Variants in PCDHGA4 observed in about 807,000 individuals in gnomAD.
PCDHGA4 encodes protocadherin gamma subfamily A, 4.
Under a neutral mutation model 54.6 loss-of-function variants are expected in PCDHGA4, and 38 were observed. The observed-to-expected ratio is 0.70, with a 90% CI of 0.54 to 0.91. The LOEUF (loss-of-function observed/expected upper bound fraction) is 0.91. Among genes scored for constraint, PCDHGA4 ranks in the 40% least tolerant of loss-of-function variants. The pLI, the probability that PCDHGA4 is intolerant of heterozygous loss-of-function variation, is 0.00. For missense variants in PCDHGA4, 1,298 were observed against 1,220.9 expected, an observed-to-expected ratio of 1.06 and a Z score of -0.94; for synonymous variants, 511 against 512.9, an observed-to-expected ratio of 1.00 and a Z score of 0.05.
Position 141,408,446 on chromosome 5 carries a change from G to A in PCDHGA4, c.2514+50825G>A, listed in dbSNP as rs371079756. 1.7e-5 allele frequency: 28 copies of A among 1,613,946 alleles called. No individual in the cohort carries two copies. Among genetic ancestry groups the A allele is most frequent in the Non-Finnish European group, 1.1e-5 (13 of 1,179,916 alleles). On this transcript the variant is annotated intron_variant, in intron 1 of 3. Transcript: ENST00000571252. ...GCACTTCAGCGTAGACGCGGAGAGC[G>A]GGGACTTACTTGTGAAGAACCGAAT...
chr5:141,389,990 C>CTCA (rs1156236363), intron 1 of PCDHGA4: 4 of 1,614,044 alleles, frequency 2.5e-6, no homozygotes, highest in Non-Finnish European at 2.5e-6. Flanking sequence ...TGCTCTTCCT[C>CTCA]GTGGCCATGA....
chr5:141,479,109 A>G (rs925202951), intron 1 of PCDHGA4, among the ~76,000 whole-genome samples: 4 of 152,234 alleles, frequency 2.6e-5, no homozygotes, highest in Admixed American at 2.6e-4. Context: ...TATTTCAAGC[A>G]TTCTACTGGA....
intron 1 of PCDHGA4, chr5:141,414,666 A>G (rs1243321329): frequency 6.2e-7 from 1 of 1,614,002 alleles, no homozygotes; most frequent in Admixed American, 1.7e-5. Context: ...CCCTGGCTGA[A>G]GACACCATCC....
intron 1 of PCDHGA4, chr5:141,371,361 GAT>G: frequency 3.1e-6 from 5 of 1,613,976 alleles, no homozygotes; most frequent in Non-Finnish European, 4.2e-6. Flanking sequence ...GGAAGCAAAG[GAT>G]GGTGGACATC....
intron 2 of PCDHGA4, among the ~76,000 whole-genome samples, chr5:141,503,365 G>A (rs2099819492): frequency 6.6e-6 from 1 of 152,020 alleles, no homozygotes; most frequent in East Asian, 1.9e-4. Flanking sequence ...GGGAAGCGGA[G>A]GCAGGTGGAT....
chr5:141,374,666 G>T (rs1770705641), intron 1 of PCDHGA4: 3 of 1,611,404 alleles, frequency 1.9e-6, no homozygotes, highest in Non-Finnish European at 2.5e-6. Flanking sequence ...CCCGGAGCTG[G>T]TGCTGGAGGG....
chr5:141,497,110 C>T (rs964183820), intron 2 of PCDHGA4, among the ~76,000 whole-genome samples: 2 of 151,738 alleles, frequency 1.3e-5, no homozygotes, highest in African/African-American at 2.4e-5. Context: ...TGCTTGAACC[C>T]GGAAGGCAGA....
At position 141,383,491 on chromosome 5, in the gene PCDHGA4, C is replaced by T. The variant is rs116533786; in HGVS notation, c.2514+25870C>T. The T allele has an allele frequency of 1.9e-6, 3 of 1,613,000 alleles. No individual in the cohort carries two copies. The highest frequency in any genetic ancestry group is 2.5e-6 in the Non-Finnish European group (3 of 1,179,496). On this transcript the variant is annotated intron_variant, in intron 1 of 3. Coordinates refer to ENST00000571252, the MANE Select transcript of PCDHGA4 (RefSeq NM_018917.4). Reference sequence around the variant, plus strand: ...TAAGTACCCGGAACTGGTGCTGGAGCGGGTGCTGGACCGGGAGGAAGAGCG... The same window carrying T: ...TAAGTACCCGGAACTGGTGCTGGAGTGGGTGCTGGACCGGGAGGAAGAGCG...
At position 141,485,413 on chromosome 5, in the gene PCDHGA4, C is replaced by T; in HGVS notation, c.2515-9394C>T. ...AAAGACACTTCCGTGTGGATTTGGA[C>T]AGCGGAGCCCTGCTCATCAAGAACC... On this transcript the variant is annotated intron_variant, in intron 1 of 3. Transcript: ENST00000571252. The surrounding 1 kb of genome is among the most constrained non-coding windows in gnomAD (Gnocchi z 5.7). The T allele has an allele frequency of 6.2e-7, 1 of 1,614,158 alleles. No individual in the cohort carries two copies. The highest frequency in any genetic ancestry group is 8.5e-7 in the Non-Finnish European group (1 of 1,180,030).
At position 141,424,135 on chromosome 5, in the gene PCDHGA4, G is replaced by A. The variant is rs572224199; in HGVS notation, c.2514+66514G>A. 1.1e-4 allele frequency: 47 copies of A among 431,606 alleles called. No individual in the cohort carries two copies. The South Asian group carries it at 4.6e-3, about 43-fold the overall frequency. The allele number at this position is 431,606 out of a possible 1,614,324, so 26.7% of individuals were successfully genotyped here. On this transcript the variant is annotated intron_variant, in intron 1 of 3. Coordinates refer to ENST00000571252, the MANE Select transcript of PCDHGA4 (RefSeq NM_018917.4). The stretch of plus-strand genomic sequence containing the variant: ...AAATTTTGATCCTGTTGATTTAATA[G>A]CATGCTCCCTCTAGCTCTCCTTCTC...
At chr5:141,376,105 C>T in intron 1 of PCDHGA4, 4 of 1,613,734 alleles carry the variant, frequency 2.5e-6, no homozygotes, top group Non-Finnish European at 2.5e-6. Flanking sequence ...TCCTGGCCGA[C>T]CTGGGCAGCC....
intron 1 of PCDHGA4, chr5:141,371,611 C>T (rs561217101): frequency 6.2e-7 from 1 of 1,613,878 alleles, no homozygotes. Flanking sequence ...AGGTTGGTGA[C>T]AGATGGAGCC....
At chr5:141,374,701 C>T (rs781441820) in intron 1 of PCDHGA4, 2 of 1,608,962 alleles carry the variant, frequency 1.2e-6, no homozygotes, top group East Asian at 2.2e-5. Context: ...AAGGAGAAGC[C>T]GTTTACCGCC....
intron 1 of PCDHGA4, among the ~76,000 whole-genome samples, chr5:141,455,570 A>T (rs181469693): frequency 2.6e-5 from 4 of 152,222 alleles, no homozygotes; most frequent in Non-Finnish European, 5.9e-5. Context: ...TGGCCCTCCC[A>T]CCCCAGCCTT....
Position 141,415,089 on chromosome 5 carries a change from C to T in PCDHGA4, c.2514+57468C>T, listed in dbSNP as rs1159857230. 1.9e-6 allele frequency: 3 copies of T among 1,613,556 alleles called. No individual in the cohort carries two copies. In the South Asian group the frequency reaches 3.3e-5, roughly 18 times the overall value. The stretch of plus-strand genomic sequence containing the variant: ...TGCGCACGGCGCGAGCCCTGCTGGA[C>T]AGAGACGCGCTCAAGCAAAGCCTCG... On this transcript the variant is annotated intron_variant, in intron 1 of 3. Coordinates refer to ENST00000571252, the MANE Select transcript of PCDHGA4 (RefSeq NM_018917.4).
At position 141,485,100 on chromosome 5, in the gene PCDHGA4, C is replaced by G. The variant is rs900224386; in HGVS notation, c.2515-9707C>G. 1.0e-5 allele frequency: 12 copies of G among 1,148,882 alleles called. No homozygotes were observed. Among genetic ancestry groups the G allele is most frequent in the Non-Finnish European group, 1.4e-5 (11 of 778,894 alleles). 71.2% of individuals were successfully genotyped at this position (1,148,882 alleles called of 1,614,324 possible). On this transcript the variant is annotated intron_variant, in intron 1 of 3. Coordinates refer to ENST00000571252, the MANE Select transcript of PCDHGA4 (RefSeq NM_018917.4). This position sits in a 1 kb window ranked among gnomAD's most constrained non-coding sequence, Gnocchi z 5.7. ...GGGAAAGGGAGATAGGTGTCTCCAG[C>G]TGCTGTGGCTGTTTGGGGCGGGTCG...
At chr5:141,422,911 G>A (rs375046528) in intron 1 of PCDHGA4, 5 of 1,614,118 alleles carry the variant, frequency 3.1e-6, no homozygotes, top group African/African-American at 2.7e-5. Flanking sequence ...CAATGCGCCC[G>A]AGATCCTGTA....
rs918375556 is a variant in PCDHGA4, at chr5:141,489,318, G to C, written c.2515-5489G>C. 6.3e-7 allele frequency: 1 copy of C among 1,598,974 alleles called. No individual in the cohort carries two copies. Among genetic ancestry groups the C allele is most frequent in the African/African-American group, 1.3e-5 (1 of 74,510 alleles). On this transcript the variant is annotated intron_variant, in intron 1 of 3. Coordinates refer to ENST00000571252, the MANE Select transcript of PCDHGA4 (RefSeq NM_018917.4). The surrounding 1 kb of genome is among the most constrained non-coding windows in gnomAD (Gnocchi z 4.5). ...TGTTGTCCTTGTGCTGCTGGGGCTG[G>C]GTGTCTGGGCAGCTTCGTTACTCAG...
At chr5:141,500,340 C>A (rs188966393) in intron 2 of PCDHGA4, among the ~76,000 whole-genome samples, 92 of 152,066 alleles carry the variant, frequency 6.0e-4, no homozygotes, top group African/African-American at 2.1e-3. Flanking sequence ...TCCAGAATAG[C>A]TGGGACTACA....
Sources: allele counts gnomAD v4.1 joint callset (sites outside exome capture counted in the v4.1 genomes callset), GRCh38; gene constraint gnomAD v4.1.1; non-coding constraint Gnocchi (gnomAD v3.1); transcripts MANE v1.5; gene names NCBI Gene and HGNC (gene_info 2026-07-23, HGNC 2026-07-21).